Variants in ENTPD8 observed in about 807,000 individuals in gnomAD.
The protein encoded by ENTPD8 is E-NTPDase 8.
In ENTPD8, 35 loss-of-function variants were observed where a neutral mutation model predicts 47.0. The observed-to-expected ratio is 0.75, with a 90% CI of 0.57 to 0.99. ENTPD8 has a LOEUF of 0.99. Ranked by LOEUF, ENTPD8 falls within the 50% of genes least tolerant of loss-of-function variation. ENTPD8 has a pLI of 0.00. For missense variants in ENTPD8, 668 were observed against 649.9 expected, an observed-to-expected ratio of 1.03 and a Z score of -0.30; for synonymous variants, 308 against 290.5, an observed-to-expected ratio of 1.06 and a Z score of -0.61.
chr9:137,439,109 T>G (rs1564249134), intron 1 of ENTPD8, among the ~76,000 whole-genome samples: 1 of 152,140 alleles, frequency 6.6e-6, no homozygotes, highest in Non-Finnish European at 1.5e-5. Context: ...TGAGGCTTCT[T>G]AACAACATCG....
In ENTPD8 at chr9:137,434,540, C is replaced by T; in HGVS notation, c.*374G>A. ...TGGGGCAGCTCCCTCCCTTCCACCCCTCTCCGCCCCTCCTGAGGCCCCATC... is the reference window on the plus strand; with the variant it reads ...TGGGGCAGCTCCCTCCCTTCCACCCTTCTCCGCCCCTCCTGAGGCCCCATC... On this transcript the variant is annotated 3_prime_UTR_variant, in exon 10 of 10. Transcript: ENST00000371506. 1.4e-6 allele frequency: 1 copy of T among 690,470 alleles called. No homozygotes were observed. The highest frequency in any genetic ancestry group is 3.1e-5 in the Admixed American group (1 of 32,126). 42.8% of individuals were successfully genotyped at this position (690,470 alleles called of 1,614,324 possible). A position where few individuals can be genotyped will look rare whatever the true frequency, so the allele number is the denominator to read the frequency against.
Position 137,441,322 on chromosome 9 carries a change from G to T in ENTPD8, c.-57C>A. The T allele has an allele frequency of 3.6e-6, 1 of 274,348 alleles. No individual in the cohort carries two copies. Among genetic ancestry groups the T allele is most frequent in the Non-Finnish European group, 7.5e-6 (1 of 133,338 alleles). 17.0% of individuals were successfully genotyped at this position (274,348 alleles called of 1,614,324 possible). ...GCCCACTTCCCGGAGCGGCAAGGAG[G>T]AAGCTGTGCTTAGACGCTTCTGTGT... is the stretch of plus-strand genomic sequence containing the variant. On this transcript the variant is annotated 5_prime_UTR_variant, in exon 1 of 10. Coordinates refer to ENST00000371506, the MANE Select transcript of ENTPD8 (RefSeq NM_001033113.2).
In ENTPD8 at chr9:137,438,015, C is replaced by T. The variant is rs1839416800; in HGVS notation, c.196G>A (p.Glu66Lys). The part of the protein sequence containing the change: ...LFLYQWLANK[E>K]NGTGVVSQAL... ...TGGCTGACCACACCCGTGCCATTCTCCTTGTTCGCCAGCCACTGATACAGG... is the reference window on the plus strand; with the variant it reads ...TGGCTGACCACACCCGTGCCATTCTTCTTGTTCGCCAGCCACTGATACAGG... The change falls in exon 3 of 10, where the codon GAG becomes AAG. Residue 66 changes from glutamate to lysine, a missense_variant. Transcript: ENST00000371506. This position sits in a 1 kb window ranked among gnomAD's most constrained non-coding sequence, Gnocchi z 5.7. The T allele has an allele frequency of 6.2e-7, 1 of 1,612,878 alleles. No homozygotes were observed. Among genetic ancestry groups the T allele is most frequent in the Admixed American group, 1.7e-5 (1 of 60,016 alleles).
chr9:137,435,508 G>A (rs758394530), intron 8 of ENTPD8, among the ~76,000 whole-genome samples, 170 bp from the exon 9 acceptor site: 26 of 152,228 alleles, frequency 1.7e-4, no homozygotes, highest in Non-Finnish European at 3.1e-4. Context: ...GCGGGTTGCG[G>A]CCCCTTCTTG....
chr9:137,435,384 C>T (rs1839314583), intron 8 of ENTPD8, 46 bp from the exon 9 acceptor site: 5 of 1,585,454 alleles, frequency 3.2e-6, no homozygotes, highest in Non-Finnish European at 4.3e-6. Flanking sequence ...CCCTGATCCC[C>T]AGTCATGCGG....
Position 137,438,344 on chromosome 9 carries a change from G to C in ENTPD8, c.-20-39C>G. On this transcript the variant is annotated intron_variant, in intron 1 of 9. Coordinates refer to ENST00000371506, the MANE Select transcript of ENTPD8 (RefSeq NM_001033113.2). This position sits in a 1 kb window ranked among gnomAD's most constrained non-coding sequence, Gnocchi z 5.7. ...GCCGTGGGCACCCAGGCTGCACTTG[G>C]TGTCCCCATCCCGCCCTCCAGAGGC... The C allele has an allele frequency of 1.4e-6, 2 of 1,471,224 alleles. No homozygotes were observed. The highest frequency in any genetic ancestry group is 1.8e-6 in the Non-Finnish European group (2 of 1,110,164). The allele number at this position is 1,471,224 out of a possible 1,614,324, so 91.1% of individuals were successfully genotyped here.
rs1185500097 is a variant in ENTPD8, at chr9:137,438,539, A to T, written c.-20-234T>A. Among the ~76,000 whole-genome samples the T allele has an allele frequency of 2.7e-5, 4 of 149,212 alleles. No homozygotes were observed. The highest frequency in any genetic ancestry group is 2.2e-4 in the South Asian group (1 of 4,644). Reference sequence around the variant, plus strand: ...GGGGCTCAGGCGGCCTCCCGTGGCCATAGAGGCATCTCCGGGGCTCAGACG... The same window carrying T: ...GGGGCTCAGGCGGCCTCCCGTGGCCTTAGAGGCATCTCCGGGGCTCAGACG... On this transcript the variant is annotated intron_variant, in intron 1 of 9. Transcript: ENST00000371506. This position sits in a 1 kb window ranked among gnomAD's most constrained non-coding sequence, Gnocchi z 5.7.
At position 137,438,447 on chromosome 9, in the gene ENTPD8, C is replaced by T. The variant is rs111733234; in HGVS notation, c.-20-142G>A. The T allele has an allele frequency of 2.0e-4, 195 of 953,016 alleles. No individual in the cohort carries two copies. In the African/African-American group the frequency reaches 2.4e-3, roughly 12 times the overall value. The allele number at this position is 953,016 out of a possible 1,614,324, so 59.0% of individuals were successfully genotyped here. The stretch of plus-strand genomic sequence containing the variant: ...CTTAGAGGCATCTCCGGGGCTCAGA[C>T]GCCTCCCGTGGCCATAGAGGCATCC... On this transcript the variant is annotated intron_variant, in intron 1 of 9. Coordinates refer to ENST00000371506, the MANE Select transcript of ENTPD8 (RefSeq NM_001033113.2). This position sits in a 1 kb window ranked among gnomAD's most constrained non-coding sequence, Gnocchi z 5.7.
chr9:137,436,080 C>G lies in ENTPD8; in HGVS notation c.983G>C (p.Ser328Thr), dbSNP rs755788891. 1 of 1,612,990 alleles carries G rather than the reference C, an allele frequency of 6.2e-7. No homozygotes were observed. The highest frequency in any genetic ancestry group is 8.5e-7 in the Non-Finnish European group (1 of 1,179,980). The change falls in exon 7 of 10, where the codon AGC becomes ACC. Residue 328 changes from serine (S) to threonine (T), a missense_variant. By Grantham distance (58) the Ser-to-Thr change is moderately conservative. Transcript: ENST00000371506. Reference protein sequence around the residue: ...SAIRELFNFSSCQGQEDCAFD... With the variant: ...SAIRELFNFSTCQGQEDCAFD... ...GGCGCAGTCCTCCTGGCCCTGGCAG[C>G]TGGAGAAGTTGAAAAGTTCCCGGAT...
chr9:137,436,405 C>T lies in ENTPD8; in HGVS notation c.786+116G>A, dbSNP rs1237060483. ...GCCCTCCCCGGTGCCGGATGACCCA[C>T]GCCAGCCCCGCGCCCATACCCTGTG... On this transcript the variant is annotated intron_variant, in intron 6 of 9. Coordinates refer to ENST00000371506, the MANE Select transcript of ENTPD8 (RefSeq NM_001033113.2). The T allele has an allele frequency of 1.5e-5, 20 of 1,339,688 alleles. No individual in the cohort carries two copies. The Admixed American group carries it at 2.1e-4, about 14-fold the overall frequency. The allele number at this position is 1,339,688 out of a possible 1,614,324, so 83.0% of individuals were successfully genotyped here.
At position 137,438,319 on chromosome 9, in the gene ENTPD8, G is replaced by T; in HGVS notation, c.-20-14C>A. On this transcript the variant is annotated splice_polypyrimidine_tract_variant and intron_variant, in intron 1 of 9. Coordinates refer to ENST00000371506, the MANE Select transcript of ENTPD8 (RefSeq NM_001033113.2). The surrounding 1 kb of genome is among the most constrained non-coding windows in gnomAD (Gnocchi z 5.7). ...TGGTACTGGTTCCTGTGGGGGGACG[G>T]CCGTGGGCACCCAGGCTGCACTTGG... 1 of 1,510,842 alleles carries T rather than the reference G, an allele frequency of 6.6e-7. No individual in the cohort carries two copies. The allele number at this position is 1,510,842 out of a possible 1,614,324, so 93.6% of individuals were successfully genotyped here. A position where few individuals can be genotyped will look rare whatever the true frequency, so the allele number is the denominator to read the frequency against.
chr9:137,438,222 G>A lies in ENTPD8; in HGVS notation c.64C>T (p.Leu22Phe), dbSNP rs754400533. 2.5e-6 allele frequency: 4 copies of A among 1,605,580 alleles called. 1 individual carries two copies. In the South Asian group the frequency reaches 4.4e-5, roughly 18 times the overall value. ...ACCAGGAGGAGAATGAGTGCCGTGA[G>A]GCCTGAGACCCCCGAGGCCCCCAGC... ...ALLGASGVSG[L>F]TALILLLVEA... Residue 22 changes from leucine (L) to phenylalanine (F), a missense_variant, in exon 2 of 10, where the codon CTC becomes TTC. Physicochemically the swap from Leu to Phe is conservative, Grantham distance 22 (BLOSUM62 0). Coordinates refer to ENST00000371506, the MANE Select transcript of ENTPD8 (RefSeq NM_001033113.2). The surrounding 1 kb of genome is among the most constrained non-coding windows in gnomAD (Gnocchi z 5.7).
chr9:137,435,840 G>C lies in ENTPD8; in HGVS notation c.1051-11C>G, dbSNP rs764047685. ...GAAGTTGGAGAAGGCCTGAGTGAGA[G>C]GGGAGGTGGCTGTGCCTTCGCTGTG... On this transcript the variant is annotated splice_polypyrimidine_tract_variant and intron_variant, in intron 7 of 9. Transcript: ENST00000371506. 6.2e-7 allele frequency: 1 copy of C among 1,612,322 alleles called. No individual in the cohort carries two copies. Among genetic ancestry groups the C allele is most frequent in the Non-Finnish European group, 8.5e-7 (1 of 1,179,056 alleles).
intron 8 of ENTPD8, 126 bp downstream of exon 8, chr9:137,435,593 C>T: frequency 1.8e-6 from 2 of 1,098,128 alleles, no homozygotes; most frequent in Non-Finnish European, 2.6e-6. Context: ...TGGAGCTGTC[C>T]TCTGCCCTTG....
rs770743998 is a variant in ENTPD8 at position 137,438,184 on chromosome 9, G to A, written c.102C>T (p.Ser34=). Residue 34 remains serine (S), a synonymous_variant, in exon 2 of 10, where the codon AGC becomes AGT. Transcript: ENST00000371506. This position sits in a 1 kb window ranked among gnomAD's most constrained non-coding sequence, Gnocchi z 5.7. ...ALILLLVEAT[S]VLLPTDIKFG... Reference sequence around the variant, plus strand: ...CCTTGATGTCTGTGGGCAGGAGCACGCTGGTGGCCTCCACCAGGAGGAGAA... The same window carrying A: ...CCTTGATGTCTGTGGGCAGGAGCACACTGGTGGCCTCCACCAGGAGGAGAA... 9.3e-6 allele frequency: 15 copies of A among 1,608,642 alleles called. No homozygotes were observed. The highest frequency in any genetic ancestry group is 4.4e-5 in the South Asian group (4 of 90,592).
At chr9:137,436,833 G>A (rs915157202) in intron 5 of ENTPD8, 36 bp downstream of exon 5, 20 of 1,606,966 alleles carry the variant, frequency 1.2e-5, no homozygotes, top group East Asian at 1.1e-4. Context: ...CCAGCCCCTC[G>A]CAGACCAGCC....
chr9:137,434,987 A>C lies in ENTPD8; in HGVS notation c.1415T>G (p.Val472Gly). 1 of 1,612,666 alleles carries C rather than the reference A, an allele frequency of 6.2e-7. No homozygotes were observed. The change falls in exon 10 of 10, where the codon GTG becomes GGG. Residue 472 changes from valine (V) to glycine (G), a missense_variant. By Grantham distance (109) the Val-to-Gly change is moderately radical (BLOSUM62 -3). Coordinates refer to ENST00000371506, the MANE Select transcript of ENTPD8 (RefSeq NM_001033113.2). The part of the protein sequence containing the change: ...AESYGVWVAK[V>G]VFMVLALVAV... ...CACCAGGGCCAGCACCATGAACACC[A>C]CTTTGGCCACCCAGACGCCGTAGCT...
Position 137,436,557 on chromosome 9 carries a change from G to A in ENTPD8, c.750C>T (p.Asp250=). The A allele has an allele frequency of 6.2e-7, 1 of 1,611,668 alleles. No homozygotes were observed. The highest frequency in any genetic ancestry group is 1.1e-5 in the South Asian group (1 of 90,706). ...YTHSYLCFGR[D]QMLSRLLVGL... ...CCACGAGGAGCCTGCTCAGCATCTGGTCCCGTCCAAAGCACAGGTAGCTGT... is the reference window on the plus strand; with the variant it reads ...CCACGAGGAGCCTGCTCAGCATCTGATCCCGTCCAAAGCACAGGTAGCTGT... The change falls in exon 6 of 10, where the codon GAC becomes GAT. Residue 250 remains aspartate (D), a synonymous_variant. Transcript: ENST00000371506.
At chr9:137,439,189 C>T (rs1478978661) in intron 1 of ENTPD8, among the ~76,000 whole-genome samples, 3 of 152,302 alleles carry the variant, frequency 2.0e-5, no homozygotes, top group East Asian at 3.9e-4. Flanking sequence ...TGCCAGATGG[C>T]GCCTGGTCGG....
Sources: gnomAD v4.1 joint callset for allele counts (sites outside exome capture counted in the v4.1 genomes callset) on GRCh38, gnomAD v4.1.1 for gene constraint, Gnocchi (gnomAD v3.1) non-coding constraint, MANE v1.5 for transcripts, NCBI Gene and HGNC (gene_info 2026-07-23, HGNC 2026-07-21) for gene names.